The following PID1 variants were observed in gnomAD, a reference collection of about 807,000 sequenced individuals.
PID1 encodes PTB-containing, cubilin and LRP1-interacting protein.
Under a neutral mutation model 19.1 loss-of-function variants are expected in PID1, and 10 were observed. The observed-to-expected ratio is 0.52, with a 90% CI of 0.32 to 0.89. PID1 has a LOEUF of 0.89. PID1 is among the 40% of genes least tolerant of loss of function. PID1 has a pLI of 0.03. For synonymous variants in PID1, 130 were observed against 116.0 expected, an observed-to-expected ratio of 1.12 and a Z score of -0.78; for missense variants, 248 against 285.3, an observed-to-expected ratio of 0.87 and a Z score of 0.94.
chr2:229,242,110 G>A (rs1559299962), intron 1 of PID1, among the ~76,000 whole-genome samples: 1 of 152,100 alleles, frequency 6.6e-6, no homozygotes, highest in Non-Finnish European at 1.5e-5. Context: ...AAACTCAAAT[G>A]ATCCTCTGGC....
intron 2 of PID1, among the ~76,000 whole-genome samples, chr2:229,139,029 AAGAAAGAAAG>A (rs757922590): frequency 0.024 from 1,825 of 75,250 alleles, 19 homozygotes; most frequent in South Asian, 0.046. Context: ...GAAAGAAAGA[AAGAAAGAAAG>A]AGAAAGAAAG....
chr2:229,194,912 C>A (rs758582119), intron 1 of PID1, among the ~76,000 whole-genome samples: 9 of 62,366 alleles, frequency 1.4e-4, no homozygotes, highest in Non-Finnish European at 2.5e-4. Context: ...ATAACAATGC[C>A]AATCTCATTG....
At chr2:229,254,824 T>C (rs1690249419) in intron 1 of PID1, among the ~76,000 whole-genome samples, 1 of 152,220 alleles carries the variant, frequency 6.6e-6, no homozygotes, top group Non-Finnish European at 1.5e-5. Flanking sequence ...GTCTAATGTA[T>C]ATTTGTATTT....
chr2:229,139,115 G>GAAAGAAAGAAAGAAAGAGAA (rs1210728895), intron 2 of PID1, among the ~76,000 whole-genome samples: 7 of 48,060 alleles, frequency 1.5e-4, no homozygotes, highest in East Asian at 7.6e-4. Flanking sequence ...AAGAAAGAAA[G>GAAAGAAAGAAAGAAAGAGAA]AGAAAGAAAG....
intron 1 of PID1, among the ~76,000 whole-genome samples, chr2:229,168,331 T>C (rs1355186834): frequency 6.6e-6 from 1 of 152,200 alleles, no homozygotes; most frequent in Non-Finnish European, 1.5e-5. Context: ...CCACAAATCT[T>C]GTATGGTCTG....
At chr2:229,076,885 A>T (rs553839374) in intron 2 of PID1, among the ~76,000 whole-genome samples, 2 of 152,334 alleles carry the variant, frequency 1.3e-5, no homozygotes, top group African/African-American at 4.8e-5. Context: ...TAAAAGAATG[A>T]TTTATAAACC....
At chr2:229,181,470 C>G (rs1202622465) in intron 1 of PID1, among the ~76,000 whole-genome samples, 1 of 152,028 alleles carries the variant, frequency 6.6e-6, no homozygotes, top group East Asian at 1.9e-4. Flanking sequence ...TTACGAGAAT[C>G]AACGGCAAGA....
At chr2:229,139,369 A>C (rs1689965049) in intron 2 of PID1, among the ~76,000 whole-genome samples, 1 of 152,208 alleles carries the variant, frequency 6.6e-6, no homozygotes, top group Admixed American at 6.5e-5. Flanking sequence ...CTACAGATTA[A>C]TGAGCTAGAT....
rs74831385 is a variant in PID1, at chr2:229,056,945, G to A, written c.178-30837C>T. The stretch of plus-strand genomic sequence containing the variant: ...AACGTATCTATTCCAACAAAGGATT[G>A]TCGGCTTTACCTGACATAGTATTTT... On this transcript the variant is annotated intron_variant, in intron 2 of 2. Transcript: ENST00000392055. Among the ~76,000 whole-genome samples the A allele has an allele frequency of 2.8e-4, 42 of 152,210 alleles. No individual in the cohort carries two copies. In the East Asian group the frequency reaches 8.1e-3, roughly 29 times the overall value.
intron 1 of PID1, among the ~76,000 whole-genome samples, chr2:229,192,032 T>C (rs1364068177): frequency 6.6e-6 from 1 of 152,140 alleles, no homozygotes; most frequent in Non-Finnish European, 1.5e-5. Context: ...TTTTAAGTGA[T>C]AATGAACACA....
At chr2:229,073,804 G>A (rs1292204952) in intron 2 of PID1, among the ~76,000 whole-genome samples, 2 of 152,178 alleles carry the variant, frequency 1.3e-5, no homozygotes, top group Admixed American at 6.5e-5. Flanking sequence ...GGGCATTTAG[G>A]TTCTCAAAGA....
intron 1 of PID1, among the ~76,000 whole-genome samples, chr2:229,156,378 T>C (rs1002146128): frequency 6.6e-6 from 1 of 152,186 alleles, no homozygotes; most frequent in Admixed American, 6.5e-5. Context: ...GATGAAAAAG[T>C]ACACAAGACT....
chr2:229,231,967 G>C, intron 1 of PID1: 1 of 1,550,514 alleles, frequency 6.4e-7, no homozygotes, highest in Admixed American at 2.0e-5. Context: ...GTGCGGGCTT[G>C]TTTGATTGTC....
At chr2:229,155,015 G>A (rs899056882) in intron 2 of PID1, among the ~76,000 whole-genome samples, 1 of 152,080 alleles carries the variant, frequency 6.6e-6, no homozygotes, top group African/African-American at 2.4e-5. Context: ...TGGATTCTGA[G>A]GCATGAATAT....
At chr2:229,185,150 A>C (rs6746259) in intron 1 of PID1, among the ~76,000 whole-genome samples, 1 of 149,370 alleles carries the variant, frequency 6.7e-6, no homozygotes, top group Non-Finnish European at 1.5e-5. Flanking sequence ...GTTTTCCCAG[A>C]GAACCCTAAT....
chr2:229,256,668 G>A (rs1690307671), intron 1 of PID1, among the ~76,000 whole-genome samples: 1 of 152,150 alleles, frequency 6.6e-6, no homozygotes. Context: ...GACACACTTT[G>A]GGAAACAGCA....
At chr2:229,114,327 C>T (rs1434513311) in intron 2 of PID1, among the ~76,000 whole-genome samples, 1 of 151,988 alleles carries the variant, frequency 6.6e-6, no homozygotes, top group Non-Finnish European at 1.5e-5. Flanking sequence ...TTAAGAAGTG[C>T]AGCTGTCTTT....
chr2:229,176,498 G>C (rs751511963), intron 1 of PID1, among the ~76,000 whole-genome samples: 5 of 152,176 alleles, frequency 3.3e-5, no homozygotes, highest in African/African-American at 4.8e-5. Context: ...GAAAACCCTA[G>C]TCAATGCTGA....
At chr2:229,169,110 C>A (rs2106208079) in intron 1 of PID1, among the ~76,000 whole-genome samples, 1 of 152,128 alleles carries the variant, frequency 6.6e-6, no homozygotes, top group African/African-American at 2.4e-5. Context: ...TATAAACTCT[C>A]CTTGGGCATC....
Sources: gnomAD v4.1 joint callset for allele counts (sites outside exome capture counted in the v4.1 genomes callset) on GRCh38, gnomAD v4.1.1 for gene constraint, MANE v1.5 for transcripts, NCBI Gene and HGNC (gene_info 2026-07-23, HGNC 2026-07-21) for gene names.